The following PPFIBP2 variants were observed in gnomAD, a reference collection of about 807,000 sequenced individuals.
The protein encoded by PPFIBP2 is liprin-beta-2.
In PPFIBP2, 118 loss-of-function variants were observed where a neutral mutation model predicts 118.3. That is an observed-to-expected ratio of 1.00 (90% CI 0.86 to 1.16). The LOEUF (loss-of-function observed/expected upper bound fraction) is 1.16, where lower values mean the gene tolerates loss of function less well. PPFIBP2 is among the 50% of genes most tolerant of loss of function. The pLI, the probability that PPFIBP2 is intolerant of heterozygous loss-of-function variation, is 0.00. For synonymous variants in PPFIBP2, 414 were observed against 397.4 expected (o/e 1.04, Z -0.50); for missense variants, 1,195 against 1,073.1 (o/e 1.11, Z -1.59).
chr11:7,604,479 C>T (rs964939422), intron 5 of PPFIBP2, among the ~76,000 whole-genome samples: 1 of 149,900 alleles, frequency 6.7e-6, no homozygotes, highest in Non-Finnish European at 1.5e-5. Flanking sequence ...CGCACACACA[C>T]CCCCCCATAC....
downstream of PPFIBP2, among the ~76,000 whole-genome samples, chr11:7,656,044 C>T (rs1854654751): frequency 1.3e-5 from 2 of 152,170 alleles, no homozygotes; most frequent in African/African-American, 2.4e-5. Flanking sequence ...GGCTGAAGTC[C>T]CTGCTCTGAC....
chr11:7,653,001 A>G (rs772344268), intron 23 of PPFIBP2, 23 bp from the exon 24 acceptor site: 43 of 1,594,446 alleles, frequency 2.7e-5, no homozygotes, highest in Non-Finnish European at 3.4e-5. Context: ...CCTTCTCATA[A>G]TCTTGCATTT....
At chr11:7,596,221 CAG>C (rs1459840785) in intron 4 of PPFIBP2, among the ~76,000 whole-genome samples, 1 of 152,156 alleles carries the variant, frequency 6.6e-6, no homozygotes, top group Non-Finnish European at 1.5e-5. Context: ...CCTTCACAAA[CAG>C]AAACTCTGGA....
At chr11:7,618,361 C>T (rs989524865) in intron 6 of PPFIBP2, among the ~76,000 whole-genome samples, 1 of 152,136 alleles carries the variant, frequency 6.6e-6, no homozygotes, top group Non-Finnish European at 1.5e-5. Context: ...CAACAAGTAA[C>T]ATAGAAGGAA....
intron 1 of PPFIBP2, among the ~76,000 whole-genome samples, chr11:7,517,997 A>G (rs1406163003): frequency 6.6e-6 from 1 of 152,182 alleles, no homozygotes; most frequent in Non-Finnish European, 1.5e-5. Flanking sequence ...AGTGGCTTTC[A>G]TTGCCGTACT....
intron 6 of PPFIBP2, among the ~76,000 whole-genome samples, chr11:7,619,852 C>G (rs1390168821): frequency 6.6e-6 from 1 of 152,196 alleles, no homozygotes; most frequent in Non-Finnish European, 1.5e-5. Flanking sequence ...CCACTTGGCA[C>G]CTGACAGTCC....
intron 3 of PPFIBP2, among the ~76,000 whole-genome samples, chr11:7,572,899 C>A (rs1334085941): frequency 1.3e-5 from 2 of 152,184 alleles, no homozygotes; most frequent in African/African-American, 4.8e-5. Flanking sequence ...CCTGCCCCAG[C>A]CTCCCGATTA....
chr11:7,649,148 G>C lies in PPFIBP2; in HGVS notation c.1911G>C (p.Arg637Ser), dbSNP rs769370259. Reference protein sequence around the residue: ...SALLDHIWVTRWLDDIGLPQY... With the variant: ...SALLDHIWVTSWLDDIGLPQY... ...CATCTGGGGTTTTTGTATTTGTAGG[G>C]TGGCTTGATGATATTGGCTTACCCC... Residue 637 changes from arginine to serine, a missense_variant and splice_region_variant, in exon 20 of 24, where the codon AGG becomes AGC. Coordinates refer to ENST00000299492, the MANE Select transcript of PPFIBP2 (RefSeq NM_003621.5). 1 of 1,613,394 alleles carries C rather than the reference G, an allele frequency of 6.2e-7. No individual in the cohort carries two copies. The highest frequency in any genetic ancestry group is 1.7e-5 in the Admixed American group (1 of 59,928).
intron 2 of PPFIBP2, among the ~76,000 whole-genome samples, chr11:7,565,155 A>G (rs559475660): frequency 1.3e-5 from 2 of 152,320 alleles, no homozygotes; most frequent in African/African-American, 4.8e-5. Context: ...GGGTACAGTC[A>G]TCCACCTCTG....
Position 7,549,564 on chromosome 11 carries a change from C to T in PPFIBP2, c.64+25C>T, listed in dbSNP as rs778676184. 11 of 1,530,670 alleles carry T rather than the reference C, an allele frequency of 7.2e-6. No individual in the cohort carries two copies. In the South Asian group the frequency reaches 9.9e-5, roughly 14 times the overall value. 94.8% of individuals were successfully genotyped at this position (1,530,670 alleles called of 1,614,324 possible). On this transcript the variant is annotated intron_variant, in intron 2 of 23. Coordinates refer to ENST00000299492, the MANE Select transcript of PPFIBP2 (RefSeq NM_003621.5). ...GGTACGCCCAGGGAACCCCAGCAAC[C>T]AAGGTCTCATCCTCCACATTCCAGG...
At chr11:7,536,649 G>A (rs1393320759) in intron 1 of PPFIBP2, among the ~76,000 whole-genome samples, 1 of 152,148 alleles carries the variant, frequency 6.6e-6, no homozygotes, top group Non-Finnish European at 1.5e-5. Context: ...CTGACACGAA[G>A]AAACATGAGA....
intron 3 of PPFIBP2, chr11:7,577,460 G>A (rs1856593811): frequency 4.7e-6 from 2 of 423,188 alleles, no homozygotes; most frequent in African/African-American, 4.1e-5. Flanking sequence ...AGGGAAGTGG[G>A]GAAATTTGAA....
intron 2 of PPFIBP2, among the ~76,000 whole-genome samples, chr11:7,552,518 C>G (rs1398038357): frequency 1.3e-5 from 2 of 152,188 alleles, no homozygotes; most frequent in Non-Finnish European, 2.9e-5. Flanking sequence ...TGATTGCTCT[C>G]TGCATCTGTT....
At chr11:7,602,348 T>C (rs1232508759) in intron 5 of PPFIBP2, among the ~76,000 whole-genome samples, 1 of 152,188 alleles carries the variant, frequency 6.6e-6, no homozygotes. Context: ...TGCCTCAAAC[T>C]ATGCTGGCAA....
chr11:7,540,254 G>A (rs1471579040), intron 1 of PPFIBP2, among the ~76,000 whole-genome samples: 1 of 152,116 alleles, frequency 6.6e-6, no homozygotes, highest in Non-Finnish European at 1.5e-5. Flanking sequence ...GGGGTGTGGG[G>A]GGGCGGTGAG....
At chr11:7,579,264 C>G (rs1336557551) in intron 3 of PPFIBP2, among the ~76,000 whole-genome samples, 3 of 152,162 alleles carry the variant, frequency 2.0e-5, no homozygotes. Flanking sequence ...GTCTTGAACC[C>G]TGTTCTCTAT....
At chr11:7,517,907 A>G (rs1289864298) in intron 1 of PPFIBP2, among the ~76,000 whole-genome samples, 2 of 152,190 alleles carry the variant, frequency 1.3e-5, no homozygotes, top group Non-Finnish European at 2.9e-5. Flanking sequence ...GGGGCCGCTC[A>G]TAGTCCGACT....
intron 23 of PPFIBP2, among the ~76,000 whole-genome samples, chr11:7,652,183 A>G (rs541383685): frequency 6.6e-6 from 1 of 152,390 alleles, no homozygotes; most frequent in East Asian, 1.9e-4. Context: ...TCCTTCGGTC[A>G]GGCCTGCCTG....
rs1188955535 is a variant in PPFIBP2, at chr11:7,521,280, G to T, written c.-37+7159G>T. On this transcript the variant is annotated intron_variant, in intron 1 of 23. Coordinates refer to ENST00000299492, the MANE Select transcript of PPFIBP2 (RefSeq NM_003621.5). ...CATGATCCCTAACATACCTGTAGAT[G>T]GGAGGCCTAGACACAGAAGGAATAG... Among the ~76,000 whole-genome samples, 4 of 152,268 alleles carry T rather than the reference G, an allele frequency of 2.6e-5. No individual in the cohort carries two copies. In the East Asian group the frequency reaches 7.7e-4, roughly 29 times the overall value.
Sources: allele counts gnomAD v4.1 joint callset (sites outside exome capture counted in the v4.1 genomes callset), GRCh38; gene constraint gnomAD v4.1.1; transcripts MANE v1.5; gene names NCBI Gene and HGNC (gene_info 2026-07-23, HGNC 2026-07-21).